The following DNAH1 variants were observed in gnomAD, a reference collection of about 807,000 sequenced individuals.
The protein encoded by DNAH1 is axonemal beta dynein heavy chain 1.
A neutral mutation model predicts 484.3 loss-of-function variants in DNAH1; 327 were observed. That is an observed-to-expected ratio of 0.68 (90% CI 0.62 to 0.74). The LOEUF (loss-of-function observed/expected upper bound fraction) is 0.74, where lower values mean the gene tolerates loss of function less well. DNAH1 is among the 30% of genes least tolerant of loss of function. DNAH1 has a pLI of 0.00. For missense variants in DNAH1, 5,052 were observed against 5,546.8 expected (o/e 0.91, Z 2.83); for synonymous variants, 2,192 against 2,191.9 (o/e 1.00, Z 0.00).
chr3:52,337,725 T>C (rs1300517841), intron 8 of DNAH1, among the ~76,000 whole-genome samples: 1 of 152,246 alleles, frequency 6.6e-6, no homozygotes, highest in East Asian at 1.9e-4. Context: ...TGGTTTCTTT[T>C]ATAGTCTCCA....
intron 5 of DNAH1, 96 bp from the exon 6 acceptor site, chr3:52,327,786 G>A (rs886837693): frequency 2.1e-6 from 3 of 1,451,112 alleles, no homozygotes; most frequent in Middle Eastern, 1.8e-4. Context: ...CCTGGGGAGG[G>A]TATTACTTAG....
rs534895761 is a variant in DNAH1, at chr3:52,357,957, C to A, written c.4040C>A (p.Thr1347Lys). The A allele has an allele frequency of 6.2e-7, 1 of 1,613,086 alleles. No individual in the cohort carries two copies. The highest frequency in any genetic ancestry group is 1.1e-5 in the South Asian group (1 of 91,042). ...LEILSQTKDP[T>K]AVQPHLRKCF... ...ATCTTGTCGCAGACAAAGGACCCCA[C>A]GGCCGTGCAGCCACACCTGCGCAAG... is the stretch of plus-strand genomic sequence containing the variant. Residue 1347 changes from threonine (T) to lysine (K), a missense_variant, in exon 24 of 78, where the codon ACG becomes AAG. Physicochemically the swap from Thr to Lys is moderately conservative, Grantham distance 78 (BLOSUM62 -1). Transcript: ENST00000420323.
intron 11 of DNAH1, 23 bp downstream of exon 11, chr3:52,346,793 C>G (rs1391827326): frequency 1.3e-6 from 2 of 1,584,132 alleles, no homozygotes; most frequent in African/African-American, 1.3e-5. Flanking sequence ...GGGGCGGAGG[C>G]ACCTGTTGAC....
At chr3:52,357,865 C>T (rs1475525356) in intron 23 of DNAH1, 33 bp from the exon 24 acceptor site, 27 of 1,600,710 alleles carry the variant, frequency 1.7e-5, no homozygotes, top group African/African-American at 1.6e-4. Context: ...GGAGCCTGCA[C>T]GACCCGCTTC....
intron 63 of DNAH1, 102 bp downstream of exon 63, chr3:52,391,705 C>G (rs950937837): frequency 6.5e-6 from 9 of 1,389,904 alleles, no homozygotes; most frequent in African/African-American, 1.4e-5. Flanking sequence ...GACTTTCCCC[C>G]ACTCAAAGTC....
At position 52,347,703 on chromosome 3, in the gene DNAH1, A is replaced by T. The variant is rs1385471654; in HGVS notation, c.1956-121A>T. On this transcript the variant is annotated intron_variant, in intron 11 of 77. Coordinates refer to ENST00000420323, the MANE Select transcript of DNAH1 (RefSeq NM_015512.5). The stretch of plus-strand genomic sequence containing the variant: ...CTTGGAGGTGTGTGGGACGAAGGAG[A>T]AGGCAAGTATTGTGCATGGAGAGGC... 2.5e-6 allele frequency: 3 copies of T among 1,213,010 alleles called. No homozygotes were observed. The East Asian group carries it at 8.2e-5, about 33-fold the overall frequency. The allele number at this position is 1,213,010 out of a possible 1,614,324, so 75.1% of individuals were successfully genotyped here.
Position 52,361,361 on chromosome 3 carries a change from G to T in DNAH1, c.4874+9G>T. On this transcript the variant is annotated intron_variant, in intron 29 of 77. Coordinates refer to ENST00000420323, the MANE Select transcript of DNAH1 (RefSeq NM_015512.5). This position sits in a 1 kb window ranked among gnomAD's most constrained non-coding sequence, Gnocchi z 5.6. ...TTCAAGGGCCTGGCCAGGTGAGGCT[G>T]GGCATGAGCGTGGCACAGGATGGGG... The T allele has an allele frequency of 6.4e-7, 1 of 1,563,404 alleles. No individual in the cohort carries two copies. The highest frequency in any genetic ancestry group is 2.3e-5 in the East Asian group (1 of 42,816).
At chr3:52,374,441 A>G (rs1342289818) in intron 44 of DNAH1, 6 of 1,337,240 alleles carry the variant, frequency 4.5e-6, no homozygotes, top group Non-Finnish European at 6.5e-6. Context: ...AATGCTGGCC[A>G]AAGACTCACA....
rs761222997 is a variant in DNAH1, at chr3:52,359,436, AC to A, written c.4407+51del. The A allele has an allele frequency of 7.7e-6, 12 of 1,550,916 alleles. No homozygotes were observed. The South Asian group carries it at 1.4e-4, about 18-fold the overall frequency. On this transcript the variant is annotated intron_variant, in intron 26 of 77. Coordinates refer to ENST00000420323, the MANE Select transcript of DNAH1 (RefSeq NM_015512.5). ...TGTCCCCCTCCACCCCCTACATGGC[AC>A]AGGAGGGCCCAGTCCCTCCGGAAGC...
At position 52,395,164 on chromosome 3, in the gene DNAH1, C is replaced by G. The variant is rs559700741; in HGVS notation, c.10968+105C>G. 1.7e-5 allele frequency: 25 copies of G among 1,500,588 alleles called. 1 individual carries two copies. In the South Asian group the frequency reaches 3.0e-4, roughly 18 times the overall value. The allele number at this position is 1,500,588 out of a possible 1,614,324, so 93.0% of individuals were successfully genotyped here. On this transcript the variant is annotated intron_variant, in intron 68 of 77. Coordinates refer to ENST00000420323, the MANE Select transcript of DNAH1 (RefSeq NM_015512.5). The surrounding 1 kb of genome is among the most constrained non-coding windows in gnomAD (Gnocchi z 4.4). ...TAGACTACTTGGCCAGGCCAGGACCCCTGCTTGCTCCCTAAAGGCTCTGAG... is the reference window on the plus strand; with the variant it reads ...TAGACTACTTGGCCAGGCCAGGACCGCTGCTTGCTCCCTAAAGGCTCTGAG...
At chr3:52,356,078 G>A (rs1275159052) in intron 21 of DNAH1, among the ~76,000 whole-genome samples, 1 of 152,206 alleles carries the variant, frequency 6.6e-6, no homozygotes, top group Non-Finnish European at 1.5e-5. Context: ...GTGAGTTTGC[G>A]CTGATGGGAG....
intron 1 of DNAH1, among the ~76,000 whole-genome samples, chr3:52,317,231 A>G (rs1247460895): frequency 6.6e-6 from 1 of 152,262 alleles, no homozygotes; most frequent in Non-Finnish European, 1.5e-5. Flanking sequence ...GAAAATTAAC[A>G]ATAATTCAAT....
intron 32 of DNAH1, 89 bp downstream of exon 32, chr3:52,363,233 G>A (rs754382282): frequency 9.8e-6 from 15 of 1,536,692 alleles, no homozygotes; most frequent in Non-Finnish European, 1.3e-5. Flanking sequence ...CAGGCTCTAT[G>A]CCCGGTGCTT....
At chr3:52,317,475 G>A (rs1700989411) in intron 1 of DNAH1, among the ~76,000 whole-genome samples, 1 of 152,216 alleles carries the variant, frequency 6.6e-6, no homozygotes, top group South Asian at 2.1e-4. Context: ...CTGTCCCGCA[G>A]CTGTGGCTTA....
At position 52,400,415 on chromosome 3, in the gene DNAH1, G is replaced by C; in HGVS notation, c.12767G>C (p.Gly4256Ala). The change falls in exon 78 of 78, where the codon GGT becomes GCT. Residue 4256 changes from glycine (G) to alanine (A), a missense_variant. Around this residue, in one of 4 missense-constraint regions of DNAH1, gnomAD observed 853 missense variants for 899.0 expected, o/e 0.95. Transcript: ENST00000420323. ...HQPQRHWIKR[G>A]VALICALDY is the part of the protein sequence containing the mutation. Reference sequence around the variant, plus strand: ...CCCCAGCGACACTGGATAAAGCGTGGTGTGGCCCTCATCTGTGCCCTGGAC... The same window carrying C: ...CCCCAGCGACACTGGATAAAGCGTGCTGTGGCCCTCATCTGTGCCCTGGAC... The C allele has an allele frequency of 6.2e-7, 1 of 1,614,058 alleles. No individual in the cohort carries two copies. The highest frequency in any genetic ancestry group is 8.5e-7 in the Non-Finnish European group (1 of 1,179,894).
At chr3:52,371,577 G>A (rs1157781952) in intron 41 of DNAH1, among the ~76,000 whole-genome samples, 2 of 152,236 alleles carry the variant, frequency 1.3e-5, no homozygotes, top group South Asian at 2.1e-4. Context: ...CACATTTCTC[G>A]GGTAGCCTGA....
rs1213003339 is a variant in DNAH1, at chr3:52,322,753, C to G, written c.311C>G (p.Pro104Arg). Residue 104 changes from proline to arginine, a missense_variant, in exon 2 of 78, where the codon CCT (proline) becomes CGT (arginine). Pro to Arg is a moderately radical substitution (Grantham distance 103). Transcript: ENST00000420323. ...QRGFYSDILS[P>R]GTLDQLGEVC... Reference sequence around the variant, plus strand: ...GGGTTCTACTCCGACATCCTCAGCCCTGGAACCTTAGATCAACTTGGGGTG... The same window carrying G: ...GGGTTCTACTCCGACATCCTCAGCCGTGGAACCTTAGATCAACTTGGGGTG... 3.1e-6 allele frequency: 5 copies of G among 1,607,738 alleles called. No individual in the cohort carries two copies. The highest frequency in any genetic ancestry group is 2.7e-5 in the African/African-American group (2 of 74,742).
chr3:52,332,105 A>C (rs1462953083), intron 7 of DNAH1, 37 bp from the exon 8 acceptor site: 10 of 1,536,800 alleles, frequency 6.5e-6, no homozygotes, highest in Admixed American at 2.0e-5. Flanking sequence ...AGAAAGCCTG[A>C]TTGTGTGTCC....
At chr3:52,348,055 A>T (rs770584462) in intron 12 of DNAH1, 81 bp downstream of exon 12, 20 of 1,425,598 alleles carry the variant, frequency 1.4e-5, no homozygotes, top group Non-Finnish European at 1.8e-5. Flanking sequence ...GTGCTGCCAC[A>T]GTTCAACTGT....
Sources: gnomAD v4.1 joint callset for allele counts (sites outside exome capture counted in the v4.1 genomes callset) on GRCh38, gnomAD v4.1.1 for gene constraint, gnomAD v4.1.1 regional missense constraint, Gnocchi (gnomAD v3.1) non-coding constraint, MANE v1.5 for transcripts, NCBI Gene and HGNC (gene_info 2026-07-23, HGNC 2026-07-21) for gene names.